Variants in DIP2C observed in about 807,000 individuals in gnomAD.
DIP2C encodes the protein DIP2 acetate--CoA ligase C (putative), also known as disco-interacting protein 2 homolog C.
Under a neutral mutation model 192.4 loss-of-function variants are expected in DIP2C, and 33 were observed. The observed-to-expected ratio is 0.17, with a 90% CI of 0.13 to 0.23. DIP2C has a LOEUF of 0.23. Among genes scored for constraint, DIP2C ranks in the 10% least tolerant of loss-of-function variants. DIP2C has a pLI of 1.00. For synonymous variants in DIP2C, 979 were observed against 864.1 expected (o/e 1.13, Z -2.33); for missense variants, 1,537 against 2,110.1 (o/e 0.73, Z 5.32).
At chr10:287,669 G>GAAAAAAAAAAAAAAA (rs34102226) in intron 33 of DIP2C, among the ~76,000 whole-genome samples, 4 of 124,042 alleles carry the variant, frequency 3.2e-5, no homozygotes, top group Admixed American at 8.3e-5. Flanking sequence ...GGCCGAAACG[G>GAAAAAAAAAAAAAAA]AAAAAAAAAA....
At chr10:338,209 A>G (rs1052719313) in intron 29 of DIP2C, among the ~76,000 whole-genome samples, 3 of 152,260 alleles carry the variant, frequency 2.0e-5, no homozygotes, top group African/African-American at 7.2e-5. Context: ...TTAAGGTTAA[A>G]AAGTTACAGT....
In DIP2C at chr10:497,085, C is replaced by T. The variant is rs550855214; in HGVS notation, c.86-10555G>A. 1.4e-4 allele frequency among the ~76,000 whole-genome samples: 21 copies of T among 152,278 alleles called. No individual in the cohort carries two copies. The East Asian group carries it at 4.1e-3, about 29-fold the overall frequency. ...CTTGCAGTGAGCTGAGATCGTGCCA[C>T]TGCACTCCAGCCTGGGCGACTAGAG... is the stretch of plus-strand genomic sequence containing the variant. On this transcript the variant is annotated intron_variant, in intron 1 of 36. Coordinates refer to ENST00000280886, the MANE Select transcript of DIP2C (RefSeq NM_014974.3).
intron 1 of DIP2C, among the ~76,000 whole-genome samples, chr10:581,235 G>GA (rs575377608): frequency 9.3e-4 from 141 of 152,156 alleles, no homozygotes; most frequent in Middle Eastern, 3.4e-3. Flanking sequence ...TTCAGCTGGG[G>GA]AAAAAACAAC....
rs372112681 is a variant in DIP2C at position 408,988 on chromosome 10, C to T, written c.1087G>A (p.Ala363Thr). Residue 363 changes from alanine (A) to threonine (T), a missense_variant, in exon 9 of 37, where the codon GCT becomes ACT. Around this residue, in one of 4 missense-constraint regions of DIP2C, gnomAD observed 473 missense variants for 539.6 expected, o/e 0.88. Coordinates refer to ENST00000280886, the MANE Select transcript of DIP2C (RefSeq NM_014974.3). ...CCTAATTTGTGTAGAATGCTGTAAG[C>T]GACCTTCATACTTCTTGTCCACAGC... is the stretch of plus-strand genomic sequence containing the variant. Reference protein sequence around the residue: ...GKLWTRSMKVAYSILHKLGTK... With the variant: ...GKLWTRSMKVTYSILHKLGTK... 41 of 1,614,178 alleles carry T rather than the reference C, an allele frequency of 2.5e-5. No individual in the cohort carries two copies. Among genetic ancestry groups the T allele is most frequent in the South Asian group, 1.6e-4 (15 of 91,088 alleles).
At chr10:640,847 T>C (rs560549686) in intron 1 of DIP2C, among the ~76,000 whole-genome samples, 3 of 151,826 alleles carry the variant, frequency 2.0e-5, no homozygotes, top group East Asian at 3.9e-4. Context: ...ACTCCAACAG[T>C]GGCAGCAGCA....
intron 36 of DIP2C, among the ~76,000 whole-genome samples, chr10:277,820 C>T (rs1954594040): frequency 6.6e-6 from 1 of 151,922 alleles, no homozygotes. Flanking sequence ...ACTGTTTCAC[C>T]ATCTTCCCGA....
intron 1 of DIP2C, among the ~76,000 whole-genome samples, chr10:622,300 AGGGGGGAGAGGGAAGGGAGGGAGGG>A (rs1180581663): frequency 3.0e-5 from 1 of 33,130 alleles, no homozygotes; most frequent in East Asian, 9.8e-4. Flanking sequence ...GGGAGGGAGG[AGGGGGGAGAGGGAAGGGAGGGAGGG>A]GGAGGGGGAG....
intron 35 of DIP2C, 130 bp from the exon 36 acceptor site, chr10:281,453 C>T (rs1383039901): frequency 2.6e-5 from 34 of 1,319,952 alleles, no homozygotes; most frequent in Admixed American, 5.7e-5. Context: ...CTCACGGATC[C>T]AGGGACGTTT....
chr10:612,571 A>G, intron 1 of DIP2C, among the ~76,000 whole-genome samples: 1 of 152,150 alleles, frequency 6.6e-6, no homozygotes, highest in Non-Finnish European at 1.5e-5. Flanking sequence ...AGATGCCCAA[A>G]ATATGAACCC....
At position 569,612 on chromosome 10, in the gene DIP2C, A is replaced by G. The variant is rs961381122; in HGVS notation, c.86-83082T>C. Among the ~76,000 whole-genome samples, 24 of 152,192 alleles carry G rather than the reference A, an allele frequency of 1.6e-4. 1 individual carries two copies. Among genetic ancestry groups the G allele is most frequent in the Admixed American group, 3.9e-4 (6 of 15,284 alleles). On this transcript the variant is annotated intron_variant, in intron 1 of 36. Transcript: ENST00000280886. ...TGTTTTATATTCTTTTTTAAAAAAA[A>G]GCAAAAACAAAACAAATACCACTAC...
At chr10:461,344 T>G (rs1006587066) in intron 3 of DIP2C, among the ~76,000 whole-genome samples, 14 of 152,004 alleles carry the variant, frequency 9.2e-5, no homozygotes, top group African/African-American at 3.4e-4. Context: ...AAATAAAGGA[T>G]GGAGGAATAT....
At chr10:333,386 C>G (rs1957588179) in intron 29 of DIP2C, among the ~76,000 whole-genome samples, 1 of 152,172 alleles carries the variant, frequency 6.6e-6, no homozygotes, top group Admixed American at 6.5e-5. Context: ...CATTTCCAGC[C>G]CTAGCCCCAG....
chr10:673,619 G>A (rs537706547), intron 1 of DIP2C, among the ~76,000 whole-genome samples: 15 of 152,296 alleles, frequency 9.8e-5, no homozygotes, highest in African/African-American at 3.4e-4. Flanking sequence ...ATGGCTCCCT[G>A]CCATCATGTG....
At chr10:474,609 T>C (rs552347488) in intron 2 of DIP2C, among the ~76,000 whole-genome samples, 59 of 152,204 alleles carry the variant, frequency 3.9e-4, no homozygotes, top group African/African-American at 1.4e-3. Context: ...CAATGCCCCC[T>C]CGTCTCTCCA....
intron 1 of DIP2C, among the ~76,000 whole-genome samples, chr10:591,204 C>T (rs947608560): frequency 6.6e-6 from 1 of 152,138 alleles, no homozygotes; most frequent in Non-Finnish European, 1.5e-5. Flanking sequence ...CTCACTGCAA[C>T]CTCTGCACCT....
At chr10:448,767 C>CT (rs1968573313) in intron 3 of DIP2C, among the ~76,000 whole-genome samples, 1 of 144,150 alleles carries the variant, frequency 6.9e-6, no homozygotes, top group South Asian at 2.3e-4. Context: ...GACCCACTCA[C>CT]CCCTGTCGAT....
At chr10:534,981 G>C (rs1248161788) in intron 1 of DIP2C, among the ~76,000 whole-genome samples, 5 of 152,176 alleles carry the variant, frequency 3.3e-5, no homozygotes, top group Admixed American at 1.3e-4. Context: ...CGGCCTGGAT[G>C]ATTATTTTTA....
intron 26 of DIP2C, among the ~76,000 whole-genome samples, chr10:345,522 T>A (rs57583752): frequency 6.7e-3 from 229 of 33,946 alleles, no homozygotes; most frequent in South Asian, 0.017. Context: ...CAAACACCCA[T>A]CCCAGACACA....
chr10:595,778 G>GA (rs1332994083), intron 1 of DIP2C, among the ~76,000 whole-genome samples: 7 of 151,992 alleles, frequency 4.6e-5, no homozygotes, highest in African/African-American at 1.7e-4. Context: ...GTTTGGTTGG[G>GA]AAAAAAAATT....
Sources: gnomAD v4.1 joint callset for allele counts (sites outside exome capture counted in the v4.1 genomes callset) on GRCh38, gnomAD v4.1.1 for gene constraint, gnomAD v4.1.1 regional missense constraint, MANE v1.5 for transcripts, NCBI Gene and HGNC (gene_info 2026-07-23, HGNC 2026-07-21) for gene names.